Variants in WDR37 observed in about 807,000 individuals in gnomAD.
WDR37 encodes the protein WD repeat-containing protein 37.
WDR37 carries 19 observed loss-of-function variants against 62.9 expected under a neutral mutation model. That is an observed-to-expected ratio of 0.30 (90% CI 0.21 to 0.44). The LOEUF (loss-of-function observed/expected upper bound fraction) is 0.44. Among genes scored for constraint, WDR37 ranks in the 20% least tolerant of loss-of-function variants. The pLI is 1.00. For missense variants in WDR37, 474 were observed against 657.6 expected (o/e 0.72, Z 3.05); for synonymous variants, 250 against 260.9 (o/e 0.96, Z 0.40).
chr10:1,125,194 C>G (rs768442748), intron 13 of WDR37, 170 bp downstream of exon 13: 38 of 787,608 alleles, frequency 4.8e-5, no homozygotes, highest in Non-Finnish European at 5.8e-5. Flanking sequence ...GAGTTGTACA[C>G]TCAAGTTATT....
intron 7 of WDR37, among the ~76,000 whole-genome samples, chr10:1,086,672 T>C (rs1834212683): frequency 2.0e-5 from 3 of 152,222 alleles, no homozygotes. Flanking sequence ...AAAATACATA[T>C]CTGTTTTAGA....
chr10:1,066,253 C>T (rs1272774471), intron 1 of WDR37, among the ~76,000 whole-genome samples: 1 of 152,086 alleles, frequency 6.6e-6, no homozygotes, highest in Non-Finnish European at 1.5e-5. Context: ...GTATCTGGGA[C>T]TACAGGTGCC....
chr10:1,075,746 G>T (rs146400312), intron 2 of WDR37, among the ~76,000 whole-genome samples: 160 of 151,324 alleles, frequency 1.1e-3, no homozygotes, highest in African/African-American at 3.8e-3. Flanking sequence ...GTGATTCTCA[G>T]TTCAGCACAA....
intron 1 of WDR37, among the ~76,000 whole-genome samples, chr10:1,058,980 G>A (rs1833286526): frequency 6.6e-6 from 1 of 152,152 alleles, no homozygotes; most frequent in African/African-American, 2.4e-5. Flanking sequence ...AACCACTTAA[G>A]CAAGTGTTTT....
chr10:1,089,253 C>G (rs1401630945), intron 7 of WDR37, among the ~76,000 whole-genome samples: 1 of 152,012 alleles, frequency 6.6e-6, no homozygotes, highest in Non-Finnish European at 1.5e-5. Context: ...GCTGCCTCTT[C>G]TGAGGGATCC....
intron 11 of WDR37, 47 bp from the exon 12 acceptor site, chr10:1,124,171 C>T (rs368841612): frequency 1.8e-5 from 29 of 1,610,182 alleles, no homozygotes; most frequent in Non-Finnish European, 2.3e-5. Flanking sequence ...TGTGGTGTCA[C>T]GTCCTGCACC....
intron 2 of WDR37, among the ~76,000 whole-genome samples, chr10:1,075,910 G>T (rs560113788): frequency 6.6e-6 from 1 of 151,750 alleles, no homozygotes; most frequent in Non-Finnish European, 1.5e-5. Flanking sequence ...CTCCCAAATA[G>T]CTGGGATTAC....
chr10:1,083,030 G>A (rs954698317), intron 5 of WDR37, among the ~76,000 whole-genome samples: 1 of 152,194 alleles, frequency 6.6e-6, no homozygotes, highest in African/African-American at 2.4e-5. Context: ...GTTAGAAATG[G>A]TGAGAGACTT....
chr10:1,069,385 A>ATTTTTTTTTT (rs1564496938), intron 1 of WDR37, among the ~76,000 whole-genome samples: 17 of 28,446 alleles, frequency 6.0e-4, no homozygotes, highest in Non-Finnish European at 1.0e-3. Context: ...ATATATATAT[A>ATTTTTTTTTT]TATATTTTTT....
intron 9 of WDR37, among the ~76,000 whole-genome samples, chr10:1,098,175 G>A (rs756815975): frequency 6.6e-6 from 1 of 152,144 alleles, no homozygotes; most frequent in Non-Finnish European, 1.5e-5. Context: ...TGGGGCCTCT[G>A]AGAAAGTGGT....
intron 2 of WDR37, among the ~76,000 whole-genome samples, chr10:1,076,913 T>C (rs1402920349): frequency 4.7e-5 from 7 of 149,164 alleles, no homozygotes; most frequent in Non-Finnish European, 7.4e-5. Flanking sequence ...GGCAGGAGAA[T>C]TGCTTGAACC....
intron 11 of WDR37, among the ~76,000 whole-genome samples, chr10:1,109,125 C>T (rs1835127517): frequency 6.6e-6 from 1 of 152,108 alleles, no homozygotes; most frequent in Non-Finnish European, 1.5e-5. Context: ...GAGAGAGAAA[C>T]TGAGGCATGA....
At chr10:1,090,228 G>A (rs943159532) in intron 7 of WDR37, among the ~76,000 whole-genome samples, 1 of 151,646 alleles carries the variant, frequency 6.6e-6, no homozygotes, top group African/African-American at 2.4e-5. Flanking sequence ...GTAGGATCTC[G>A]GCTCACTGCA....
intron 8 of WDR37, 82 bp downstream of exon 8, chr10:1,093,578 A>G: frequency 8.7e-7 from 1 of 1,146,320 alleles, no homozygotes; most frequent in Non-Finnish European, 1.3e-6. Context: ...ATCGTAGCAG[A>G]ATAATCCATG....
At chr10:1,081,671 T>G (rs1277868561) in intron 5 of WDR37, among the ~76,000 whole-genome samples, 1 of 152,214 alleles carries the variant, frequency 6.6e-6, no homozygotes, top group Non-Finnish European at 1.5e-5. Context: ...CCATGTAATG[T>G]CTAGCTTATA....
At chr10:1,127,056 AG>A (rs1485448107) in intron 13 of WDR37, among the ~76,000 whole-genome samples, 1 of 152,248 alleles carries the variant, frequency 6.6e-6, no homozygotes, top group Non-Finnish European at 1.5e-5. Context: ...TCTTAGACAC[AG>A]TAGAATGTTC....
chr10:1,126,427 C>A (rs1217372749), intron 13 of WDR37, among the ~76,000 whole-genome samples: 1 of 152,042 alleles, frequency 6.6e-6, no homozygotes, highest in Non-Finnish European at 1.5e-5. Flanking sequence ...AAAGAAACTC[C>A]CCGTGGTCGA....
intron 9 of WDR37, among the ~76,000 whole-genome samples, chr10:1,099,587 T>A (rs1834720157): frequency 6.6e-6 from 1 of 152,256 alleles, no homozygotes. Flanking sequence ...TAACACAGTT[T>A]TGTTCTCTTT....
chr10:1,132,088 A>G lies in WDR37; in HGVS notation c.*2744A>G, dbSNP rs917321964. On this transcript the variant is annotated 3_prime_UTR_variant, in exon 14 of 14. Coordinates refer to ENST00000263150, the MANE Select transcript of WDR37 (RefSeq NM_014023.4). ...TGGAATCAGTTTTTATTGTATCGATATAATTGTCTCTAAGTGTTGACTGTC... is the reference window on the plus strand; with the variant it reads ...TGGAATCAGTTTTTATTGTATCGATGTAATTGTCTCTAAGTGTTGACTGTC... The G allele has an allele frequency of 6.5e-6, 1 of 152,672 alleles. No individual in the cohort carries two copies. Among genetic ancestry groups the G allele is most frequent in the Non-Finnish European group, 1.5e-5 (1 of 68,036 alleles). 9.5% of individuals were successfully genotyped at this position (152,672 alleles called of 1,614,324 possible).
Sources: allele counts gnomAD v4.1 joint callset (sites outside exome capture counted in the v4.1 genomes callset), GRCh38; gene constraint gnomAD v4.1.1; transcripts MANE v1.5; gene names NCBI Gene and HGNC (gene_info 2026-07-23, HGNC 2026-07-21).